The following CLEC2D variants were observed in gnomAD, a reference collection of about 807,000 sequenced individuals.
CLEC2D encodes C-type lectin related f.
Under a neutral mutation model 20.0 loss-of-function variants are expected in CLEC2D, and 16 were observed. The ratio of observed to expected loss-of-function variants is 0.80; its 90% CI spans 0.54 to 1.22. CLEC2D has a LOEUF of 1.22. Among genes scored for constraint, CLEC2D ranks in the 50% most tolerant of loss-of-function variants. CLEC2D has a pLI of 0.00. For synonymous variants in CLEC2D, 77 were observed against 71.1 expected (o/e 1.08, Z -0.42); for missense variants, 207 against 221.5 (o/e 0.93, Z 0.42).
intron 1 of CLEC2D, among the ~76,000 whole-genome samples, chr12:9,677,707 C>CTTTTTTTTTTTTTTTTTTTTTTTTTTT (rs36120151): frequency 3.3e-5 from 4 of 122,434 alleles, no homozygotes; most frequent in Non-Finnish European, 3.4e-5. Context: ...TTCTTTCTTT[C>CTTTTTTTTTTTTTTTTTTTTTTTTTTT]TTTTTTTTTT....
rs1018519745 is a variant in CLEC2D at position 9,698,067 on chromosome 12, G to A, written c.*3193G>A. On this transcript the variant is annotated 3_prime_UTR_variant, in exon 5 of 5. Transcript: ENST00000290855. ...GATACATGATAAATTTCTATCTGCA[G>A]TTGCTATTTGCATTTTTAAAGGATA... is the stretch of plus-strand genomic sequence containing the variant. 6 of 152,090 alleles carry A rather than the reference G, an allele frequency of 3.9e-5. No homozygotes were observed. The highest frequency in any genetic ancestry group is 8.8e-5 in the Non-Finnish European group (6 of 68,020). The allele number at this position is 152,090 out of a possible 1,614,324, so 9.4% of individuals were successfully genotyped here. A position where few individuals can be genotyped will look rare whatever the true frequency, so the allele number is the denominator to read the frequency against.
chr12:9,698,869 C>G lies in CLEC2D; in HGVS notation c.*3995C>G, dbSNP rs771291795. 6.6e-6 allele frequency: 1 copy of G among 152,110 alleles called. No individual in the cohort carries two copies. The highest frequency in any genetic ancestry group is 2.1e-4 in the South Asian group (1 of 4,818). The allele number at this position is 152,110 out of a possible 1,614,324, so 9.4% of individuals were successfully genotyped here. ...CCTCTGTTTCTTAATCCTCTGTTTT[C>G]CCAGAGCACAGGAGGAAGTTCTCTG... On this transcript the variant is annotated 3_prime_UTR_variant, in exon 5 of 5. Transcript: ENST00000290855.
chr12:9,689,830 GA>G (rs918829048), intron 3 of CLEC2D, among the ~76,000 whole-genome samples: 3 of 151,840 alleles, frequency 2.0e-5, no homozygotes, highest in African/African-American at 7.3e-5. Context: ...GAAAAACAAA[GA>G]AAAAGAATGA....
At position 9,695,866 on chromosome 12, in the gene CLEC2D, GA is replaced by G; in HGVS notation, c.*993del. 9.5e-7 allele frequency: 1 copy of G among 1,051,984 alleles called. No homozygotes were observed. The highest frequency in any genetic ancestry group is 1.5e-6 in the Non-Finnish European group (1 of 682,780). The allele number at this position is 1,051,984 out of a possible 1,614,324, so 65.2% of individuals were successfully genotyped here. On this transcript the variant is annotated 3_prime_UTR_variant, in exon 5 of 5. Coordinates refer to ENST00000290855, the MANE Select transcript of CLEC2D (RefSeq NM_013269.6). ...ACTTGCTGCTGCTGCTGATGATGAT[GA>G]TGATGAAGATGATGATGATGATGAT...
intron 1 of CLEC2D, among the ~76,000 whole-genome samples, chr12:9,677,086 T>C (rs777145945): frequency 2.0e-5 from 3 of 151,938 alleles, no homozygotes; most frequent in African/African-American, 4.8e-5. Context: ...TTGGTTTTGA[T>C]AACTTTTTTC....
At chr12:9,693,002 A>G (rs1164879436) in intron 4 of CLEC2D, 71 bp downstream of exon 4, 6 of 1,599,824 alleles carry the variant, frequency 3.8e-6, no homozygotes, top group Non-Finnish European at 4.3e-6. Flanking sequence ...AGTGTTCTCT[A>G]GTTACATGCT....
intron 1 of CLEC2D, among the ~76,000 whole-genome samples, chr12:9,670,979 T>C (rs1865406792): frequency 6.6e-6 from 1 of 152,186 alleles, no homozygotes; most frequent in Admixed American, 6.5e-5. Context: ...TGGGTCTCTT[T>C]CTAAAGTTTC....
At chr12:9,691,501 T>C (rs1003314385) in intron 3 of CLEC2D, among the ~76,000 whole-genome samples, 3 of 150,632 alleles carry the variant, frequency 2.0e-5, no homozygotes, top group African/African-American at 7.3e-5. Flanking sequence ...TTAAACCATA[T>C]GTTAGGCCAC....
rs1285491620 is a variant in CLEC2D, at chr12:9,678,400, ATAGTT to A, written c.62-2520_62-2516del. Among the ~76,000 whole-genome samples, 3 of 152,318 alleles carry A rather than the reference ATAGTT, an allele frequency of 2.0e-5. No homozygotes were observed. In the East Asian group the frequency reaches 5.8e-4, roughly 29 times the overall value. On this transcript the variant is annotated intron_variant, in intron 1 of 4. Coordinates refer to ENST00000290855, the MANE Select transcript of CLEC2D (RefSeq NM_013269.6). ...AAAGTGCATTTCCTGCAGACATCATATAGTTTAATCTCTGATTTTTAATTGGTGCA... is the reference window on the plus strand; with the variant it reads ...AAAGTGCATTTCCTGCAGACATCATATAATCTCTGATTTTTAATTGGTGCA...
intron 2 of CLEC2D, 49 bp downstream of exon 2, chr12:9,681,082 AAAG>A (rs778134913): frequency 4.1e-6 from 4 of 966,048 alleles, no homozygotes; most frequent in Admixed American, 4.1e-5. Flanking sequence ...ATACTTGTAA[AAAG>A]AAGAGGAAGA....
chr12:9,671,987 A>G (rs1865434193), intron 1 of CLEC2D, among the ~76,000 whole-genome samples: 2 of 152,014 alleles, frequency 1.3e-5, no homozygotes, highest in East Asian at 1.9e-4. Context: ...CCTTGTTGCC[A>G]CACATATATA....
At chr12:9,680,682 A>G (rs1865615867) in intron 1 of CLEC2D, among the ~76,000 whole-genome samples, 2 of 152,198 alleles carry the variant, frequency 1.3e-5, no homozygotes, top group African/African-American at 4.8e-5. Context: ...GTTGACATGA[A>G]TCTCTCCAAT....
At chr12:9,670,709 A>T (rs1425823553) in intron 1 of CLEC2D, among the ~76,000 whole-genome samples, 1 of 152,190 alleles carries the variant, frequency 6.6e-6, no homozygotes, top group African/African-American at 2.4e-5. Flanking sequence ...TTTGGAGTAT[A>T]TTGATACTAT....
At chr12:9,693,741 T>G in intron 4 of CLEC2D, 1 of 409,912 alleles carries the variant, frequency 2.4e-6, no homozygotes, top group Non-Finnish European at 4.8e-6. Flanking sequence ...GAATTAACTT[T>G]TATTTCTTAT....
At position 9,695,060 on chromosome 12, in the gene CLEC2D, T is replaced by C; in HGVS notation, c.*186T>C. ...ATTACCTGTTTTCATGGTGCTAATA[T>C]TACCTGTTCTCCCACTGCTAATGAC... On this transcript the variant is annotated 3_prime_UTR_variant, in exon 5 of 5. Coordinates refer to ENST00000290855, the MANE Select transcript of CLEC2D (RefSeq NM_013269.6). 1 of 585,316 alleles carries C rather than the reference T, an allele frequency of 1.7e-6. No homozygotes were observed. Among genetic ancestry groups the C allele is most frequent in the South Asian group, 2.0e-5 (1 of 48,934 alleles). The allele number at this position is 585,316 out of a possible 1,614,324, so 36.3% of individuals were successfully genotyped here.
In CLEC2D at chr12:9,699,511, G is replaced by A. The variant is rs771322752; in HGVS notation, c.*4637G>A. 6.6e-6 allele frequency: 1 copy of A among 152,198 alleles called. No individual in the cohort carries two copies. Among genetic ancestry groups the A allele is most frequent in the African/African-American group, 2.4e-5 (1 of 41,548 alleles). 9.4% of individuals were successfully genotyped at this position (152,198 alleles called of 1,614,324 possible). ...TATTATTTTCATGAAATTACTTCTA[G>A]TATAATTCTGAATAAACACTTTGAA... On this transcript the variant is annotated 3_prime_UTR_variant, in exon 5 of 5. Coordinates refer to ENST00000290855, the MANE Select transcript of CLEC2D (RefSeq NM_013269.6).
Position 9,697,033 on chromosome 12 carries a change from A to G in CLEC2D, c.*2159A>G, listed in dbSNP as rs1484410937. 1.3e-4 allele frequency: 1 copy of G among 7,772 alleles called. No homozygotes were observed. The highest frequency in any genetic ancestry group is 4.2e-4 in the African/African-American group (1 of 2,360). 0.5% of individuals were successfully genotyped at this position (7,772 alleles called of 1,614,324 possible). A position where few individuals can be genotyped will look rare whatever the true frequency, so the allele number is the denominator to read the frequency against. Reference sequence around the variant, plus strand: ...TAAAACACACACATTATATACATACATACATATATATATATATATAAAAAA... The same window carrying G: ...TAAAACACACACATTATATACATACGTACATATATATATATATATAAAAAA... On this transcript the variant is annotated 3_prime_UTR_variant, in exon 5 of 5. Coordinates refer to ENST00000290855, the MANE Select transcript of CLEC2D (RefSeq NM_013269.6).
intron 3 of CLEC2D, among the ~76,000 whole-genome samples, chr12:9,689,393 G>C (rs915246125): frequency 3.3e-5 from 5 of 152,016 alleles, no homozygotes; most frequent in African/African-American, 1.2e-4. Flanking sequence ...TAAGTTACCA[G>C]AGTTACCACA....
chr12:9,679,086 T>C (rs551971968), intron 1 of CLEC2D, among the ~76,000 whole-genome samples: 28 of 152,204 alleles, frequency 1.8e-4, no homozygotes, highest in Non-Finnish European at 3.7e-4. Context: ...ATGTGTCATT[T>C]CTGTTATTTA....
Sources: allele counts gnomAD v4.1 joint callset (sites outside exome capture counted in the v4.1 genomes callset), GRCh38; gene constraint gnomAD v4.1.1; transcripts MANE v1.5; gene names NCBI Gene and HGNC (gene_info 2026-07-23, HGNC 2026-07-21).